CYTH3: variants seen among roughly 807,000 people sequenced by gnomAD.
CYTH3 encodes the protein cytohesin-3.
Under a neutral mutation model 55.1 loss-of-function variants are expected in CYTH3, and 23 were observed. That is an observed-to-expected ratio of 0.42 (90% CI 0.30 to 0.59). CYTH3 has a LOEUF of 0.59. Among genes scored for constraint, CYTH3 ranks in the 20% least tolerant of loss-of-function variants. CYTH3 has a pLI of 0.20. For synonymous variants in CYTH3, 249 were observed against 194.9 expected, an observed-to-expected ratio of 1.28 and a Z score of -2.31; for missense variants, 413 against 524.8, an observed-to-expected ratio of 0.79 and a Z score of 2.08.
intron 1 of CYTH3, among the ~76,000 whole-genome samples, chr7:6,249,101 G>A (rs1337434546): frequency 2.0e-5 from 3 of 152,232 alleles, no homozygotes; most frequent in South Asian, 4.2e-4. Flanking sequence ...TTAAAAATGC[G>A]ATGAAGCTAG....
rs1013833328 is a variant in CYTH3 at position 6,170,348 on chromosome 7, G to A, written c.823+187C>T. ...CTCTCTGCCGCGGGCATGGCTCTGA[G>A]GCCCCGGCTCGGAGAAGCAGCCGTG... is the stretch of plus-strand genomic sequence containing the variant. On this transcript the variant is annotated intron_variant, in intron 9 of 12. Coordinates refer to ENST00000350796, the MANE Select transcript of CYTH3 (RefSeq NM_004227.4). The surrounding 1 kb of genome is among the most constrained non-coding windows in gnomAD (Gnocchi z 7.8). The A allele has an allele frequency of 1.5e-5, 9 of 595,584 alleles. No individual in the cohort carries two copies. The highest frequency in any genetic ancestry group is 2.3e-5 in the Non-Finnish European group (8 of 343,150). The allele number at this position is 595,584 out of a possible 1,614,324, so 36.9% of individuals were successfully genotyped here.
intron 1 of CYTH3, among the ~76,000 whole-genome samples, chr7:6,201,857 G>C (rs374657294): frequency 1.3e-5 from 2 of 152,140 alleles, no homozygotes; most frequent in East Asian, 3.9e-4. Context: ...TGCCCAAATT[G>C]GGAAAGGGAA....
chr7:6,175,222 C>G (rs1467294198), intron 5 of CYTH3, among the ~76,000 whole-genome samples: 1 of 151,958 alleles, frequency 6.6e-6, no homozygotes, highest in Non-Finnish European at 1.5e-5. Context: ...TCAGGCTAGT[C>G]AAGTGAAGCA....
chr7:6,163,741 CCT>C lies in CYTH3; in HGVS notation c.*1201_*1202del, dbSNP rs1376990506. 1 of 152,228 alleles carries C rather than the reference CCT, an allele frequency of 6.6e-6. No homozygotes were observed. The highest frequency in any genetic ancestry group is 1.5e-5 in the Non-Finnish European group (1 of 68,064). 9.4% of individuals were successfully genotyped at this position (152,228 alleles called of 1,614,324 possible). On this transcript the variant is annotated 3_prime_UTR_variant, in exon 13 of 13. Transcript: ENST00000350796. ...TTCTTCCCTCCTCGTAGGGAGGGCACCTCTCTCAGGACACGGCGCACTACATG... is the reference window on the plus strand; with the variant it reads ...TTCTTCCCTCCTCGTAGGGAGGGCACCTCTCAGGACACGGCGCACTACATG...
intron 1 of CYTH3, among the ~76,000 whole-genome samples, chr7:6,198,662 T>A (rs1783992887): frequency 6.6e-6 from 1 of 152,002 alleles, no homozygotes; most frequent in South Asian, 2.1e-4. Flanking sequence ...TCCCAAGAAA[T>A]CTAGCGGTTT....
At chr7:6,263,359 A>T (rs1269362569) in intron 1 of CYTH3, among the ~76,000 whole-genome samples, 1 of 152,238 alleles carries the variant, frequency 6.6e-6, no homozygotes, top group East Asian at 1.9e-4. Context: ...TCTGTTATCT[A>T]TTAAAACTGA....
intron 5 of CYTH3, among the ~76,000 whole-genome samples, chr7:6,176,283 C>G (rs1783348154): frequency 9.5e-6 from 1 of 104,724 alleles, no homozygotes; most frequent in Non-Finnish European, 1.7e-5. Context: ...TTTTTTTGAG[C>G]CAGAGTCTCA....
intron 1 of CYTH3, among the ~76,000 whole-genome samples, chr7:6,211,154 T>A (rs532351433): frequency 2.0e-5 from 3 of 152,212 alleles, no homozygotes; most frequent in African/African-American, 7.2e-5. Context: ...TGGGGCACCA[T>A]CCCCTCCTGT....
chr7:6,259,793 ATATATATATATATATATATAAT>A (rs1780275518), intron 1 of CYTH3, among the ~76,000 whole-genome samples: 1 of 14,110 alleles, frequency 7.1e-5, no homozygotes, highest in Non-Finnish European at 9.0e-5. Context: ...TAATATATAT[ATATATATATATATATATATAAT>A]ATATATATAT....
intron 1 of CYTH3, among the ~76,000 whole-genome samples, chr7:6,262,415 C>G (rs947182473): frequency 1.1e-4 from 16 of 152,172 alleles, no homozygotes; most frequent in African/African-American, 2.4e-5. Context: ...CTGGACACAC[C>G]ACATAACAGC....
At chr7:6,166,126 C>T (rs866282577) in intron 9 of CYTH3, among the ~76,000 whole-genome samples, 167 of 152,278 alleles carry the variant, frequency 1.1e-3, no homozygotes, top group African/African-American at 3.8e-3. Flanking sequence ...GTCAGGACTG[C>T]GCGCCTGGCT....
At chr7:6,173,839 C>G in intron 5 of CYTH3, 106 bp from the exon 6 acceptor site, 1 of 722,626 alleles carries the variant, frequency 1.4e-6, no homozygotes, top group Non-Finnish European at 2.5e-6. Context: ...GCACAAGTTT[C>G]TGCATGGCCA....
In CYTH3 at chr7:6,272,536, CG is replaced by C. The variant is rs1308518171; in HGVS notation, c.-30del. On this transcript the variant is annotated 5_prime_UTR_variant, in exon 1 of 13. Transcript: ENST00000350796. ...GAGGCCACTCCCGCAGCCGGCGAGC[CG>C]GGGGCCGGCAGCAGAGGGGCCGCGG... 38 of 1,209,316 alleles carry C rather than the reference CG, an allele frequency of 3.1e-5. 1 individual carries two copies. Among genetic ancestry groups the C allele is most frequent in the South Asian group, 2.7e-4 (16 of 58,232 alleles). The allele number at this position is 1,209,316 out of a possible 1,614,324, so 74.9% of individuals were successfully genotyped here. A position where few individuals can be genotyped will look rare whatever the true frequency, so the allele number is the denominator to read the frequency against.
At chr7:6,185,624 C>G (rs1373515033) in intron 4 of CYTH3, among the ~76,000 whole-genome samples, 8 of 151,074 alleles carry the variant, frequency 5.3e-5, no homozygotes, top group Non-Finnish European at 1.0e-4. Context: ...GGTGTGAACC[C>G]GGGAGGTGGA....
chr7:6,192,524 A>G (rs1033215090), intron 1 of CYTH3, among the ~76,000 whole-genome samples: 12 of 133,144 alleles, frequency 9.0e-5, no homozygotes, highest in South Asian at 4.9e-4. Flanking sequence ...CCCAGCCACA[A>G]GTCAATTTTT....
At chr7:6,217,651 C>T (rs1235257657) in intron 1 of CYTH3, among the ~76,000 whole-genome samples, 1 of 152,136 alleles carries the variant, frequency 6.6e-6, no homozygotes, top group African/African-American at 2.4e-5. Context: ...ACCAAAGAAT[C>T]AGCAAGTATA....
In CYTH3 at chr7:6,264,410, G is replaced by C. The variant is rs570866198; in HGVS notation, c.34+8064C>G. ...GTGGATCATTTGCGGTCAGGAGTTC[G>C]AGAGCAGCCTAGCCAACAAGGTGAG... On this transcript the variant is annotated intron_variant, in intron 1 of 12. Transcript: ENST00000350796. Among the ~76,000 whole-genome samples the C allele has an allele frequency of 7.9e-5, 12 of 152,168 alleles. No individual in the cohort carries two copies. The East Asian group carries it at 2.3e-3, about 29-fold the overall frequency.
At chr7:6,272,412 C>G in intron 1 of CYTH3, 62 bp downstream of exon 1, 79 of 450,118 alleles carry the variant, frequency 1.8e-4, no homozygotes, top group Non-Finnish European at 3.0e-4. Context: ...GCGCCCTCGA[C>G]CCCCAGCCCC....
intron 4 of CYTH3, among the ~76,000 whole-genome samples, chr7:6,183,178 C>T (rs987940757): frequency 3.9e-5 from 6 of 152,328 alleles, no homozygotes; most frequent in African/African-American, 1.2e-4. Context: ...GAGAGCGTGA[C>T]CAGTCTCGAC....
Sources: gnomAD v4.1 joint callset for allele counts (sites outside exome capture counted in the v4.1 genomes callset) on GRCh38, gnomAD v4.1.1 for gene constraint, Gnocchi (gnomAD v3.1) non-coding constraint, MANE v1.5 for transcripts, NCBI Gene and HGNC (gene_info 2026-07-23, HGNC 2026-07-21) for gene names.